The following COPB1 variants were observed in gnomAD, a reference collection of about 807,000 sequenced individuals.
The protein encoded by COPB1 is coat protein complex I subunit beta 1.
A neutral mutation model predicts 108.7 loss-of-function variants in COPB1; 21 were observed. The observed-to-expected ratio is 0.19, with a 90% CI of 0.14 to 0.28. COPB1 has a LOEUF of 0.28. Ranked by LOEUF, COPB1 falls within the 10% of genes least tolerant of loss-of-function variation. COPB1 has a pLI of 1.00. For synonymous variants in COPB1, 378 were observed against 386.8 expected (o/e 0.98, Z 0.27); for missense variants, 919 against 1,141.3 (o/e 0.81, Z 2.81).
intron 2 of COPB1, among the ~76,000 whole-genome samples, chr11:14,497,903 G>A (rs1851060742): frequency 6.6e-6 from 1 of 152,162 alleles, no homozygotes; most frequent in Non-Finnish European, 1.5e-5. Context: ...AATATGGATG[G>A]AACTGGAGGT....
At position 14,494,347 on chromosome 11, in the gene COPB1, T is replaced by C. The variant is rs1440625509; in HGVS notation, c.184A>G (p.Ile62Val). The change falls in exon 3 of 22, where the codon ATC (isoleucine) becomes GTC (valine). Residue 62 changes from isoleucine (I) to valine (V), a missense_variant. Transcript: ENST00000439561. ...GEKLPGLLMT[I>V]IRFVLPLQDH... is the part of the protein sequence containing the mutation. ...TGAAGAGGTAGCACAAAACGAATGATGGTCATCAGAAGTCCAGGAAGTTTT... is the reference window on the plus strand; with the variant it reads ...TGAAGAGGTAGCACAAAACGAATGACGGTCATCAGAAGTCCAGGAAGTTTT... 10 of 1,613,476 alleles carry C rather than the reference T, an allele frequency of 6.2e-6. No individual in the cohort carries two copies. The highest frequency in any genetic ancestry group is 1.7e-5 in the Admixed American group (1 of 59,988).
At position 14,488,489 on chromosome 11, in the gene COPB1, T is replaced by C. The variant is rs1850824533; in HGVS notation, c.699+3A>G. 1 of 1,589,744 alleles carries C rather than the reference T, an allele frequency of 6.3e-7. No individual in the cohort carries two copies. Among genetic ancestry groups the C allele is most frequent in the Non-Finnish European group, 8.6e-7 (1 of 1,162,522 alleles). ...TTTACTCATCATAGATTATCATTCT[T>C]ACCTTATAAATCAGTTCAACAATAA... On this transcript the variant is annotated splice_donor_region_variant and intron_variant, in intron 6 of 21. Coordinates refer to ENST00000439561, the MANE Select transcript of COPB1 (RefSeq NM_001144061.2).
intron 5 of COPB1, among the ~76,000 whole-genome samples, chr11:14,489,138 T>C (rs772302290): frequency 1.3e-5 from 2 of 152,218 alleles, no homozygotes; most frequent in Non-Finnish European, 2.9e-5. Context: ...AGCTTTCTCA[T>C]AATCTTGTTT....
Position 14,474,600 on chromosome 11 carries a change from T to G in COPB1, c.1632A>C (p.Gly544=). 1 of 1,613,808 alleles carries G rather than the reference T, an allele frequency of 6.2e-7. No homozygotes were observed. Among genetic ancestry groups the G allele is most frequent in the Non-Finnish European group, 8.5e-7 (1 of 1,179,856 alleles). ...CAAAGAAATCTCCATCCAGAAGGAATCCTCTCAAGGGAGGTCTGCAAAGCA... is the reference window on the plus strand; with the variant it reads ...CAAAGAAATCTCCATCCAGAAGGAAGCCTCTCAAGGGAGGTCTGCAAAGCA... ...KKEEDRPPLR[G]FLLDGDFFVA... is the part of the protein sequence containing the mutation. The change falls in exon 14 of 22, where the codon GGA becomes GGC. Residue 544 remains glycine (G), a synonymous_variant. Transcript: ENST00000439561.
chr11:14,497,513 T>C (rs1229815870), intron 2 of COPB1, among the ~76,000 whole-genome samples: 3 of 152,136 alleles, frequency 2.0e-5, no homozygotes, highest in African/African-American at 7.2e-5. Context: ...CCAGTTAAAA[T>C]GGCTTTTATC....
chr11:14,486,026 G>C (rs1388493888), intron 7 of COPB1, among the ~76,000 whole-genome samples: 1 of 151,914 alleles, frequency 6.6e-6, no homozygotes, highest in East Asian at 1.9e-4. Flanking sequence ...GTAGGCTGAG[G>C]AGGAGGAGGA....
intron 10 of COPB1, 71 bp from the exon 11 acceptor site, chr11:14,479,785 T>A: frequency 7.3e-7 from 1 of 1,372,708 alleles, no homozygotes; most frequent in Non-Finnish European, 9.9e-7. Flanking sequence ...GGACAAGAAA[T>A]AAATTAAAAG....
intron 13 of COPB1, 31 bp downstream of exon 13, chr11:14,475,754 C>T (rs755904213): frequency 1.7e-5 from 25 of 1,474,598 alleles, no homozygotes; most frequent in Non-Finnish European, 2.3e-5. Flanking sequence ...AAAAGTAGTA[C>T]AGCTGGCAGG....
chr11:14,479,805 C>CT, intron 10 of COPB1, 91 bp from the exon 11 acceptor site: 2 of 1,292,144 alleles, frequency 1.5e-6, no homozygotes, highest in Non-Finnish European at 2.1e-6. Context: ...GAATGTAATT[C>CT]TTTTTTTGTT....
intron 5 of COPB1, 65 bp downstream of exon 5, chr11:14,490,500 C>T: frequency 1.2e-6 from 1 of 860,978 alleles, no homozygotes; most frequent in Non-Finnish European, 1.8e-6. Context: ...ATGATTAAGT[C>T]TATGTAATAC....
chr11:14,458,722 C>A lies in COPB1; in HGVS notation c.2647-35G>T, dbSNP rs1850080204. ...ATTTGTGATAAATTCATTACTTTAC[C>A]AGATACCTACATAGAGGCAAAAACC... On this transcript the variant is annotated intron_variant, in intron 20 of 21. Coordinates refer to ENST00000439561, the MANE Select transcript of COPB1 (RefSeq NM_001144061.2). The A allele has an allele frequency of 3.8e-6, 6 of 1,592,080 alleles. 1 individual carries two copies. In the Admixed American group the frequency reaches 7.1e-5, roughly 19 times the overall value.
At chr11:14,477,907 A>AAG (rs1017806743) in intron 11 of COPB1, among the ~76,000 whole-genome samples, 15 of 151,272 alleles carry the variant, frequency 9.9e-5, no homozygotes, top group African/African-American at 3.4e-4. Flanking sequence ...AAAAAAAAAA[A>AAG]AAAAAAAAGA....
chr11:14,476,196 T>C lies in COPB1; in HGVS notation c.1456-251A>G, dbSNP rs189615679. Among the ~76,000 whole-genome samples, 29 of 152,310 alleles carry C rather than the reference T, an allele frequency of 1.9e-4. No individual in the cohort carries two copies. The East Asian group carries it at 5.6e-3, about 29-fold the overall frequency. ...TTTGGACCTCAGTTTCTTAATCTGCTAAGTGGAAATCTTAATTCTTTCTAC... is the reference window on the plus strand; with the variant it reads ...TTTGGACCTCAGTTTCTTAATCTGCCAAGTGGAAATCTTAATTCTTTCTAC... On this transcript the variant is annotated intron_variant, in intron 12 of 21. Transcript: ENST00000439561.
chr11:14,484,700 G>C (rs139825656), intron 7 of COPB1, among the ~76,000 whole-genome samples: 1 of 152,062 alleles, frequency 6.6e-6, no homozygotes, highest in Non-Finnish European at 1.5e-5. Context: ...CCTGAGCGAC[G>C]GAGTGAGACT....
chr11:14,483,226 CA>C, intron 7 of COPB1, 75 bp from the exon 8 acceptor site: 1 of 831,438 alleles, frequency 1.2e-6, no homozygotes, highest in Non-Finnish European at 1.7e-6. Context: ...TGCGCGCGCA[CA>C]CCACACACAC....
chr11:14,492,044 C>T lies in COPB1; in HGVS notation c.492-1365G>A, dbSNP rs1036158887. On this transcript the variant is annotated intron_variant, in intron 4 of 21. Coordinates refer to ENST00000439561, the MANE Select transcript of COPB1 (RefSeq NM_001144061.2). The stretch of plus-strand genomic sequence containing the variant: ...TAGTTTTGTTTCATCTATATCCTTG[C>T]CAAATTTACCTCTTGCCATATTATT... Among the ~76,000 whole-genome samples, 84 of 152,220 alleles carry T rather than the reference C, an allele frequency of 5.5e-4. No homozygotes were observed. The Middle Eastern group carries it at 0.01, about 18-fold the overall frequency.
chr11:14,479,486 T>C (rs1850608997), intron 11 of COPB1, 83 bp downstream of exon 11: 3 of 1,354,866 alleles, frequency 2.2e-6, no homozygotes, highest in African/African-American at 1.5e-5. Context: ...CTCTCCATTC[T>C]ATTTTCTATC....
chr11:14,464,989 C>G lies in COPB1; in HGVS notation c.2332G>C (p.Ala778Pro). ...LVEKPSPLTL[A>P]PHDFANIKAN... ...TTAATATTTGCGAAGTCATGAGGAG[C>G]AAGAGTCAAAGGAGACGGCTTTTCC... Residue 778 changes from alanine to proline, a missense_variant, in exon 18 of 22, where the codon GCT (alanine) becomes CCT (proline). This residue lies in a region of COPB1 where 705 missense variants were observed against 817.8 expected (regional missense o/e 0.86). Coordinates refer to ENST00000439561, the MANE Select transcript of COPB1 (RefSeq NM_001144061.2). 1 of 1,603,004 alleles carries G rather than the reference C, an allele frequency of 6.2e-7. No individual in the cohort carries two copies. The highest frequency in any genetic ancestry group is 8.5e-7 in the Non-Finnish European group (1 of 1,173,702).
At chr11:14,478,653 T>C (rs1016563266) in intron 11 of COPB1, among the ~76,000 whole-genome samples, 4 of 151,748 alleles carry the variant, frequency 2.6e-5, no homozygotes, top group East Asian at 1.9e-4. Context: ...AGTCTCACCA[T>C]GTTGCCCAGG....
Sources: gnomAD v4.1 joint callset for allele counts (sites outside exome capture counted in the v4.1 genomes callset) on GRCh38, gnomAD v4.1.1 for gene constraint, gnomAD v4.1.1 regional missense constraint, MANE v1.5 for transcripts, NCBI Gene and HGNC (gene_info 2026-07-23, HGNC 2026-07-21) for gene names.